CUX1: variants seen among roughly 807,000 people sequenced by gnomAD.
CUX1 encodes the protein protein CASP.
Under a neutral mutation model 158.8 loss-of-function variants are expected in CUX1, and 31 were observed. The observed-to-expected ratio is 0.20, with a 90% CI of 0.15 to 0.26. The LOEUF (loss-of-function observed/expected upper bound fraction) is 0.26, where lower values mean the gene tolerates loss of function less well. Among genes scored for constraint, CUX1 ranks in the 10% least tolerant of loss-of-function variants. CUX1 has a pLI of 1.00. For missense variants in CUX1, 1,589 were observed against 2,014.6 expected (o/e 0.79, Z 4.04); for synonymous variants, 879 against 862.1 (o/e 1.02, Z -0.34).
At chr7:101,926,628 C>T (rs1805624433) in intron 2 of CUX1, among the ~76,000 whole-genome samples, 3 of 152,166 alleles carry the variant, frequency 2.0e-5, no homozygotes, top group African/African-American at 7.2e-5. Context: ...AAAACATACC[C>T]TGCCTACTTC....
At chr7:101,879,589 T>C (rs1051764611) in intron 1 of CUX1, among the ~76,000 whole-genome samples, 2 of 152,082 alleles carry the variant, frequency 1.3e-5, no homozygotes, top group African/African-American at 4.8e-5. Flanking sequence ...TTACTTCCCC[T>C]GCCCTGGAGG....
At chr7:101,868,173 G>T (rs1798121084) in intron 1 of CUX1, among the ~76,000 whole-genome samples, 1 of 152,166 alleles carries the variant, frequency 6.6e-6, no homozygotes, top group East Asian at 1.9e-4. Context: ...TCATTCACTT[G>T]TGCCTTTAGC....
intron 6 of CUX1, among the ~76,000 whole-genome samples, chr7:102,107,026 G>C (rs998087831): frequency 2.7e-5 from 4 of 150,106 alleles, no homozygotes; most frequent in East Asian, 2.0e-4. Context: ...TCAGGAGTTC[G>C]AGACCAGCCT....
intron 2 of CUX1, among the ~76,000 whole-genome samples, chr7:102,010,874 G>T (rs1305560855): frequency 6.6e-6 from 1 of 152,192 alleles, no homozygotes; most frequent in Non-Finnish European, 1.5e-5. Flanking sequence ...ACATTGGGAG[G>T]CCGAGGTGGG....
intron 20 of CUX1, among the ~76,000 whole-genome samples, chr7:102,211,444 C>T (rs1554523120): frequency 6.6e-6 from 1 of 151,144 alleles, no homozygotes; most frequent in East Asian, 2.0e-4. Context: ...AGACCCTCTC[C>T]GCCCGCAAAA....
chr7:101,984,107 T>C lies in CUX1; in HGVS notation c.142-43991T>C, dbSNP rs867141193. Among the ~76,000 whole-genome samples, 3 of 37,452 alleles carry C rather than the reference T, an allele frequency of 8.0e-5. 1 individual carries two copies. Among genetic ancestry groups the C allele is most frequent in the African/African-American group, 3.0e-4 (3 of 9,896 alleles). The allele number at this position is 37,452 out of a possible 152,430, so 24.6% of individuals were successfully genotyped here. A position where few individuals can be genotyped will look rare whatever the true frequency, so the allele number is the denominator to read the frequency against. ...AAAAAAAAATATATATATATATATA[T>C]ATATATATATATATATATATATACA... On this transcript the variant is annotated intron_variant, in intron 2 of 23. Transcript: ENST00000292535.
chr7:102,136,689 A>G (rs1280792959), intron 8 of CUX1, among the ~76,000 whole-genome samples: 41 of 152,084 alleles, frequency 2.7e-4, no homozygotes, highest in African/African-American at 8.0e-4. Flanking sequence ...GTGCCCGGCC[A>G]TTTTACCAAC....
At chr7:102,211,212 G>A (rs1796477107) in intron 20 of CUX1, among the ~76,000 whole-genome samples, 2 of 152,040 alleles carry the variant, frequency 1.3e-5, no homozygotes, top group South Asian at 4.2e-4. Context: ...TTGGGAGGCC[G>A]AGGTGGGTGG....
chr7:101,860,740 CCTTCCTT>C (rs1797360551), intron 1 of CUX1, among the ~76,000 whole-genome samples: 2 of 81,730 alleles, frequency 2.4e-5, no homozygotes, highest in African/African-American at 9.1e-5. Flanking sequence ...TTCCTCCCTT[CCTTCCTT>C]CCTTCCTTCC....
At chr7:102,108,584 C>T (rs1830596622) in intron 6 of CUX1, among the ~76,000 whole-genome samples, 1 of 152,096 alleles carries the variant, frequency 6.6e-6, no homozygotes, top group African/African-American at 2.4e-5. Context: ...GTTATCTGCC[C>T]GCCTCACCTC....
At chr7:101,974,964 C>G (rs1812456446) in intron 2 of CUX1, among the ~76,000 whole-genome samples, 1 of 152,060 alleles carries the variant, frequency 6.6e-6, no homozygotes, top group South Asian at 2.1e-4. Flanking sequence ...ATGGCCCACA[C>G]CAGCCAGGTG....
At position 101,864,149 on chromosome 7, in the gene CUX1, G is replaced by A. The variant is rs1015293344; in HGVS notation, c.30+46480G>A. 2.6e-4 allele frequency among the ~76,000 whole-genome samples: 40 copies of A among 151,120 alleles called. 1 individual carries two copies. The highest frequency in any genetic ancestry group is 4.0e-4 in the Admixed American group (6 of 15,128). ...TTTCTCCACAGCCTCGCCAGCATTTGTCATTTTCTGGATTGTTTTTTTTTT... is the reference window on the plus strand; with the variant it reads ...TTTCTCCACAGCCTCGCCAGCATTTATCATTTTCTGGATTGTTTTTTTTTT... On this transcript the variant is annotated intron_variant, in intron 1 of 23. Transcript: ENST00000292535.
At chr7:102,239,055 T>A (rs944514102) in intron 22 of CUX1, among the ~76,000 whole-genome samples, 4 of 152,132 alleles carry the variant, frequency 2.6e-5, no homozygotes, top group African/African-American at 7.2e-5. Context: ...CCCAGCTGAT[T>A]TTTGTACTTT....
chr7:102,085,357 AT>A (rs200015865), intron 4 of CUX1, among the ~76,000 whole-genome samples: 1,627 of 152,278 alleles, frequency 0.011, 11 homozygotes, highest in Non-Finnish European at 0.017. Context: ...CTGTGTTCCC[AT>A]GCTATCTCAT....
intron 1 of CUX1, among the ~76,000 whole-genome samples, chr7:101,849,951 C>T (rs1328833206): frequency 1.5e-5 from 2 of 136,714 alleles, no homozygotes; most frequent in Non-Finnish European, 3.1e-5. Flanking sequence ...CAGGGTCTCA[C>T]TCTGTCGCCC....
At chr7:102,110,238 A>G (rs1301591387) in intron 6 of CUX1, among the ~76,000 whole-genome samples, 1 of 152,220 alleles carries the variant, frequency 6.6e-6, no homozygotes, top group African/African-American at 2.4e-5. Flanking sequence ...GTACTATGCT[A>G]TAGTATATTT....
intron 1 of CUX1, among the ~76,000 whole-genome samples, chr7:101,822,966 A>G (rs1322072176): frequency 6.6e-6 from 1 of 152,160 alleles, no homozygotes; most frequent in East Asian, 1.9e-4. Flanking sequence ...CTTCCCTTTA[A>G]AAAGCTAATG....
At chr7:102,263,547 C>G (rs1269618781) in intron 14 of CUX1, among the ~76,000 whole-genome samples, 1 of 151,948 alleles carries the variant, frequency 6.6e-6, no homozygotes, top group Admixed American at 6.6e-5. Context: ...AACTCCTGAC[C>G]TCAGGTGATC....
At chr7:102,118,032 A>G (rs1238752109) in intron 8 of CUX1, among the ~76,000 whole-genome samples, 1 of 152,220 alleles carries the variant, frequency 6.6e-6, no homozygotes, top group Admixed American at 6.5e-5. Flanking sequence ...CCATGGGCTC[A>G]TTCTGAGACC....
Sources: allele counts gnomAD v4.1 joint callset (sites outside exome capture counted in the v4.1 genomes callset), GRCh38; gene constraint gnomAD v4.1.1; transcripts MANE v1.5; gene names NCBI Gene and HGNC (gene_info 2026-07-23, HGNC 2026-07-21).